Variants in FYN observed in about 807,000 individuals in gnomAD.
FYN encodes tyrosine-protein kinase Fyn.
Under a neutral mutation model 70.2 loss-of-function variants are expected in FYN, and 10 were observed. The ratio of observed to expected loss-of-function variants is 0.14; its 90% CI spans 0.09 to 0.24. The LOEUF is 0.24. Among genes scored for constraint, FYN ranks in the 10% least tolerant of loss-of-function variants. The probability of loss-of-function intolerance (pLI) is 1.00; values close to 1 mark genes in which losing one functional copy is unlikely to be tolerated. For missense variants in FYN, 319 were observed against 673.1 expected (o/e 0.47, Z 5.82); for synonymous variants, 236 against 248.6 (o/e 0.95, Z 0.48).
At chr6:111,740,527 C>T (rs1406739078) in intron 3 of FYN, among the ~76,000 whole-genome samples, 1 of 152,192 alleles carries the variant, frequency 6.6e-6, no homozygotes, top group Non-Finnish European at 1.5e-5. Context: ...GCGCTCTATA[C>T]CCTCTATGAC....
chr6:111,758,329 G>A (rs1020800300), intron 3 of FYN, among the ~76,000 whole-genome samples: 1 of 152,130 alleles, frequency 6.6e-6, no homozygotes, highest in African/African-American at 2.4e-5. Context: ...AATTTGCACC[G>A]GGAAAGGACA....
chr6:111,688,528 G>A (rs1799138741), intron 12 of FYN, among the ~76,000 whole-genome samples: 1 of 152,092 alleles, frequency 6.6e-6, no homozygotes, highest in Non-Finnish European at 1.5e-5. Flanking sequence ...TGTCTACAAG[G>A]GCCCGCTGCT....
chr6:111,715,353 T>C (rs1800583976), intron 4 of FYN, among the ~76,000 whole-genome samples: 1 of 152,066 alleles, frequency 6.6e-6, no homozygotes, highest in African/African-American at 2.4e-5. Flanking sequence ...AGTGCTGGGA[T>C]TATAGGTGTG....
intron 3 of FYN, among the ~76,000 whole-genome samples, chr6:111,776,397 G>A (rs11153318): frequency 0.3 from 44,959 of 152,056 alleles, 7,957 homozygotes; most frequent in East Asian, 0.53. Context: ...TTATTAGTCA[G>A]TGTTGCTGAA....
At position 111,673,601 on chromosome 6, in the gene FYN, G is replaced by T. The variant is rs181805534; in HGVS notation, c.1405+898C>A. Among the ~76,000 whole-genome samples, 904 of 126,724 alleles carry T rather than the reference G, an allele frequency of 7.1e-3. 10 individuals carry two copies. The highest frequency in any genetic ancestry group is 0.024 in the African/African-American group (849 of 35,290). 83.1% of individuals were successfully genotyped at this position (126,724 alleles called of 152,430 possible). A position where few individuals can be genotyped will look rare whatever the true frequency, so the allele number is the denominator to read the frequency against. On this transcript the variant is annotated intron_variant, in intron 13 of 13. Coordinates refer to ENST00000354650, the MANE Select transcript of FYN (RefSeq NM_002037.5). ...AAGAGACCTAAATTCCTCATTAATCGTCACTATCGTTTCTATCATTGTTTT... is the reference window on the plus strand; with the variant it reads ...AAGAGACCTAAATTCCTCATTAATCTTCACTATCGTTTCTATCATTGTTTT...
At chr6:111,740,946 A>T (rs1801933150) in intron 3 of FYN, 1 of 152,070 alleles carries the variant, frequency 6.6e-6, no homozygotes, top group Non-Finnish European at 1.5e-5. Flanking sequence ...CTACTTTACA[A>T]AATACAAAAA....
chr6:111,665,337 GTTTT>G (rs1354404727), intron 13 of FYN, among the ~76,000 whole-genome samples: 1 of 151,878 alleles, frequency 6.6e-6, no homozygotes, highest in Non-Finnish European at 1.5e-5. Flanking sequence ...GAAAATCATG[GTTTT>G]TTTAAATAAT....
intron 1 of FYN, among the ~76,000 whole-genome samples, chr6:111,860,180 G>T (rs933376224): frequency 6.6e-6 from 1 of 152,184 alleles, no homozygotes; most frequent in African/African-American, 2.4e-5. Flanking sequence ...AGCCGAGTTT[G>T]TGGGAATTTG....
chr6:111,708,082 A>C, intron 5 of FYN, 62 bp from the exon 6 acceptor site: 1 of 1,255,582 alleles, frequency 8.0e-7, no homozygotes, highest in Non-Finnish European at 1.2e-6. Context: ...TTAGAGACTC[A>C]CTGTGGTCTG....
chr6:111,732,890 G>A (rs1012632456), intron 3 of FYN, among the ~76,000 whole-genome samples: 3 of 152,098 alleles, frequency 2.0e-5, no homozygotes, highest in South Asian at 2.1e-4. Flanking sequence ...ACAGCTGCTC[G>A]TCTACCCGAA....
intron 13 of FYN, among the ~76,000 whole-genome samples, chr6:111,665,337 G>C (rs183059132): frequency 1.3e-5 from 2 of 151,996 alleles, no homozygotes; most frequent in East Asian, 3.9e-4. Context: ...GAAAATCATG[G>C]TTTTTTTAAA....
Position 111,867,962 on chromosome 6 carries a change from G to A in FYN, c.-123+5006C>T, listed in dbSNP as rs1774162088. ...GTCCATCTCTGTACCACTCCAAACAGCCCTGAACTAACTGCAGTTCCCCAA... is the reference window on the plus strand; with the variant it reads ...GTCCATCTCTGTACCACTCCAAACAACCCTGAACTAACTGCAGTTCCCCAA... On this transcript the variant is annotated intron_variant, in intron 1 of 13. Transcript: ENST00000354650. Among the ~76,000 whole-genome samples, 3 of 152,106 alleles carry A rather than the reference G, an allele frequency of 2.0e-5. No homozygotes were observed. The South Asian group carries it at 6.2e-4, about 31-fold the overall frequency.
At chr6:111,708,747 CAG>C (rs1161986779) in intron 5 of FYN, among the ~76,000 whole-genome samples, 1 of 152,168 alleles carries the variant, frequency 6.6e-6, no homozygotes, top group African/African-American at 2.4e-5. Flanking sequence ...AGGTGAAGCA[CAG>C]AAACTCGGCA....
intron 12 of FYN, among the ~76,000 whole-genome samples, chr6:111,692,110 C>A (rs553316235): frequency 4.7e-5 from 7 of 149,802 alleles, no homozygotes; most frequent in Admixed American, 1.3e-4. Flanking sequence ...TTCCCCCCCC[C>A]CCAGTTCAGC....
intron 3 of FYN, among the ~76,000 whole-genome samples, chr6:111,777,931 C>A (rs1771014903): frequency 6.6e-6 from 1 of 152,166 alleles, no homozygotes; most frequent in Non-Finnish European, 1.5e-5. Context: ...TCTTGCACTG[C>A]CACCCTCCCT....
intron 3 of FYN, among the ~76,000 whole-genome samples, chr6:111,761,989 T>C (rs1803027046): frequency 1.3e-5 from 2 of 152,202 alleles, no homozygotes; most frequent in South Asian, 4.1e-4. Flanking sequence ...GGTGGCTCGA[T>C]GTTTTTTATG....
At position 111,707,960 on chromosome 6, in the gene FYN, G is replaced by A. The variant is rs1478392676; in HGVS notation, c.405C>T (p.Ser135=). 4 of 1,614,014 alleles carry A rather than the reference G, an allele frequency of 2.5e-6. No homozygotes were observed. Among genetic ancestry groups the A allele is most frequent in the African/African-American group, 2.7e-5 (2 of 75,036 alleles). ...LTTGETGYIP[S]NYVAPVDSIQ... ...TAGAGTCAACTGGAGCCACATAATT[G>A]CTGGGAATGTAACCTGTCTCTCCAG... Residue 135 remains serine (S), a synonymous_variant, in exon 6 of 14, where the codon AGC becomes AGT. Coordinates refer to ENST00000354650, the MANE Select transcript of FYN (RefSeq NM_002037.5).
chr6:111,730,996 G>A (rs1801422260), intron 3 of FYN, among the ~76,000 whole-genome samples: 1 of 152,190 alleles, frequency 6.6e-6, no homozygotes, highest in African/African-American at 2.4e-5. Context: ...AACTGGCCGA[G>A]GGCCCAAGGG....
Position 111,694,340 on chromosome 6 carries a change from C to T in FYN, c.1273+35G>A, listed in dbSNP as rs1410895007. The stretch of plus-strand genomic sequence containing the variant: ...GTGCAGTAAGTGACTGTTCTCACAG[C>T]TGTGATCACGAGCCATTGTCATTCA... On this transcript the variant is annotated intron_variant, in intron 12 of 13. Coordinates refer to ENST00000354650, the MANE Select transcript of FYN (RefSeq NM_002037.5). The surrounding 1 kb of genome is among the most constrained non-coding windows in gnomAD (Gnocchi z 5.0). 6.2e-7 allele frequency: 1 copy of T among 1,611,974 alleles called. No individual in the cohort carries two copies. The highest frequency in any genetic ancestry group is 1.3e-5 in the African/African-American group (1 of 74,910).
Sources: gnomAD v4.1 joint callset for allele counts (sites outside exome capture counted in the v4.1 genomes callset) on GRCh38, gnomAD v4.1.1 for gene constraint, Gnocchi (gnomAD v3.1) non-coding constraint, MANE v1.5 for transcripts, NCBI Gene and HGNC (gene_info 2026-07-23, HGNC 2026-07-21) for gene names.